Variants in MUC17 observed in about 807,000 individuals in gnomAD.
MUC17 encodes mucin 17, cell surface associated.
In MUC17, 190 loss-of-function variants were observed where a neutral mutation model predicts 170.3. The observed-to-expected ratio is 1.12, with a 90% confidence interval of 0.99 to 1.26. The LOEUF is 1.26. MUC17 is among the 50% of genes most tolerant of loss of function. The pLI, the probability that MUC17 is intolerant of heterozygous loss-of-function variation, is 0.00. For missense variants in MUC17, 6,415 were observed against 5,530.0 expected (o/e 1.16, Z -5.08); for synonymous variants, 2,325 against 2,002.5 (o/e 1.16, Z -4.30).
rs763832080 is a variant in MUC17, at chr7:101,032,382, C to G, written c.966C>G (p.Thr322=). 4.6e-5 allele frequency: 74 copies of G among 1,613,652 alleles called. No homozygotes were observed. Among genetic ancestry groups the G allele is most frequent in the Non-Finnish European group, 5.8e-5 (68 of 1,179,906 alleles). ...ASSSPTTAEG[T]SIPTSTYTEG... is the part of the protein sequence containing the mutation. ...CATCTCCTACAACGGCTGAAGGCAC[C>G]AGCATACCAACCTCAACTTATACTG... Residue 322 remains threonine (T), a synonymous_variant, in exon 3 of 13, where the codon ACC becomes ACG. Coordinates refer to ENST00000306151, the MANE Select transcript of MUC17 (RefSeq NM_001040105.2).
At chr7:101,054,622 A>G (rs1401279188) in intron 11 of MUC17, among the ~76,000 whole-genome samples, 2 of 152,052 alleles carry the variant, frequency 1.3e-5, no homozygotes, top group Non-Finnish European at 2.9e-5. Flanking sequence ...TGAGGCCAGG[A>G]GTTCAAGACC....
At position 101,032,219 on chromosome 7, in the gene MUC17, C is replaced by G. The variant is rs1645291114; in HGVS notation, c.803C>G (p.Ser268Ter). 1 of 1,614,086 alleles carries G rather than the reference C, an allele frequency of 6.2e-7. No homozygotes were observed. Among genetic ancestry groups the G allele is most frequent in the Non-Finnish European group, 8.5e-7 (1 of 1,180,028 alleles). Reference sequence around the variant, plus strand: ...GCTGAAGGTCCCAGCCTGTCAAACTCAGCTCCTAGTGGAGGAAGCACTCCA... The same window carrying G: ...GCTGAAGGTCCCAGCCTGTCAAACTGAGCTCCTAGTGGAGGAAGCACTCCA... ...TTAEGPSLSNSAPSGGSTPLT... is the reference protein window; with the variant it reads ...TTAEGPSLSN Residue 268 changes from serine (S) to a stop codon, truncating the protein, a stop_gained, in exon 3 of 13, where the codon TCA becomes TGA. Transcript: ENST00000306151. LOFTEE classifies it high-confidence loss of function.
At chr7:101,044,462 G>T (rs1187644799) in intron 3 of MUC17, among the ~76,000 whole-genome samples, 1 of 152,122 alleles carries the variant, frequency 6.6e-6, no homozygotes, top group African/African-American at 2.4e-5. Flanking sequence ...AACTCCTTTT[G>T]CTCTGACTTA....
In MUC17 at chr7:101,058,046, G is replaced by T. The variant is rs187135134; in HGVS notation, c.*2G>T. The T allele has an allele frequency of 1.2e-6, 2 of 1,613,754 alleles. No individual in the cohort carries two copies. The highest frequency in any genetic ancestry group is 1.3e-5 in the African/African-American group (1 of 74,966). ...CAGGTAATGACGACATCATTTTAAGGCATGGAGCTGAGAAGTCTGGGAGTG... is the reference window on the plus strand; with the variant it reads ...CAGGTAATGACGACATCATTTTAAGTCATGGAGCTGAGAAGTCTGGGAGTG... On this transcript the variant is annotated 3_prime_UTR_variant, in exon 13 of 13. Transcript: ENST00000306151.
At chr7:101,029,730 C>A (rs753025437) in intron 1 of MUC17, among the ~76,000 whole-genome samples, 23 of 151,850 alleles carry the variant, frequency 1.5e-4, no homozygotes, top group Non-Finnish European at 3.1e-4. Context: ...TCCCGAGTAG[C>A]TGGGATTATA....
At chr7:101,046,676 G>A (rs1794846954) in intron 3 of MUC17, among the ~76,000 whole-genome samples, 1 of 152,134 alleles carries the variant, frequency 6.6e-6, no homozygotes, top group South Asian at 2.1e-4. Context: ...TACTTGGGAG[G>A]CTAGGGTGGG....
At chr7:101,028,513 G>A (rs1488187365) in intron 1 of MUC17, among the ~76,000 whole-genome samples, 2 of 151,648 alleles carry the variant, frequency 1.3e-5, no homozygotes, top group African/African-American at 4.8e-5. Flanking sequence ...TTTATCTCTA[G>A]AAGTTCTGTT....
At position 101,051,665 on chromosome 7, in the gene MUC17, C is replaced by A; in HGVS notation, c.12927C>A (p.Thr4309=). ...CCCAAGTGCAAAACATTACGGTGAC[C>A]CAGTACGACCCTGAAGGTAGGTGAT... The part of the protein sequence containing the change: ...TGTQVQNITV[T]QYDPEEDCRK... The change falls in exon 8 of 13, where the codon ACC becomes ACA. Residue 4309 remains threonine, a synonymous_variant. Coordinates refer to ENST00000306151, the MANE Select transcript of MUC17 (RefSeq NM_001040105.2). The A allele has an allele frequency of 6.2e-7, 1 of 1,611,172 alleles. No homozygotes were observed. Among genetic ancestry groups the A allele is most frequent in the Non-Finnish European group, 8.5e-7 (1 of 1,179,302 alleles).
chr7:101,037,199 TA>T lies in MUC17; in HGVS notation c.5785del (p.Thr1929GlnfsTer29), dbSNP rs774465389. ...TSTPREGRPPLTSIPVSTTTV... is the reference protein window; with the variant it reads ...TSTPREGRPPXTSIPVSTTTV... ...ACTCCTAGGGAAGGAAGGCCTCCAT[TA>T]ACAAGTATACCTGTCAGCACCACAA... On this transcript the variant is annotated frameshift_variant, in exon 3 of 13. Coordinates refer to ENST00000306151, the MANE Select transcript of MUC17 (RefSeq NM_001040105.2). LOFTEE classifies it high-confidence loss of function. 8.1e-6 allele frequency: 13 copies of T among 1,613,454 alleles called. 1 individual carries two copies. In the South Asian group the frequency reaches 1.1e-4, roughly 14 times the overall value.
In MUC17 at chr7:101,033,030, C is replaced by T; in HGVS notation, c.1614C>T (p.Thr538=). ...CCCTTTCAACAACTCCTGTTGACAC[C>T]AGCACACCTGTGACCACTTCTAGTG... The part of the protein sequence containing the change: ...ASTLSTTPVD[T]STPVTTSSEA... Residue 538 remains threonine (T), a synonymous_variant, in exon 3 of 13, where the codon ACC becomes ACT. Coordinates refer to ENST00000306151, the MANE Select transcript of MUC17 (RefSeq NM_001040105.2). The T allele has an allele frequency of 6.2e-7, 1 of 1,613,842 alleles. No individual in the cohort carries two copies. The highest frequency in any genetic ancestry group is 8.5e-7 in the Non-Finnish European group (1 of 1,179,960).
chr7:101,021,146 T>C (rs1170575544), intron 1 of MUC17, among the ~76,000 whole-genome samples: 13 of 152,168 alleles, frequency 8.5e-5, no homozygotes, highest in Non-Finnish European at 2.9e-5. Context: ...ACATGATCTT[T>C]TGTTTTCCTC....
In MUC17 at chr7:101,035,119, G is replaced by T. The variant is rs760718941; in HGVS notation, c.3703G>T (p.Glu1235Ter). 1.8e-5 allele frequency: 29 copies of T among 1,610,850 alleles called. No individual in the cohort carries two copies. Among genetic ancestry groups the T allele is most frequent in the Middle Eastern group, 3.3e-4 (2 of 6,062 alleles). The stretch of plus-strand genomic sequence containing the variant: ...CAGACACACGCCAGTGGCCAGTTCT[G>T]AGGCTAGCACCCTTTCAACATCTCC... ...PVRHTPVASS[E>*]ASTLSTSPVD... is the part of the protein sequence containing the mutation. Residue 1235 changes from glutamate (E) to a stop codon, truncating the protein, a stop_gained, in exon 3 of 13, where the codon GAG becomes TAG. Coordinates refer to ENST00000306151, the MANE Select transcript of MUC17 (RefSeq NM_001040105.2). LOFTEE classifies it high-confidence loss of function.
rs1168572109 is a variant in MUC17 at position 101,043,549 on chromosome 7, G to A, written c.12133G>A (p.Val4045Met). 6.8e-6 allele frequency: 11 copies of A among 1,614,112 alleles called. No homozygotes were observed. In the South Asian group the frequency reaches 8.8e-5, roughly 13 times the overall value. ...CTCTACTTCTGTCACCACCCGTCCT[G>A]TGACCCCTTCATCAGAATCCAGCAG... ...HTSTSVTTRP[V>M]TPSSESSRPS... Residue 4045 changes from valine to methionine, a missense_variant, in exon 3 of 13, where the codon GTG becomes ATG. Transcript: ENST00000306151.
rs749010750 is a variant in MUC17, at chr7:101,035,014, C to T, written c.3598C>T (p.Pro1200Ser). Residue 1200 changes from proline to serine, a missense_variant, in exon 3 of 13, where the codon CCT (proline) becomes TCT (serine). By Grantham distance (74) the Pro-to-Ser change is moderately conservative. Transcript: ENST00000306151. ...GGCCACTTCTACTGAAGCCAGTTCACCTCCTCCAACTGCTGAAGTTACCAG... is the reference window on the plus strand; with the variant it reads ...GGCCACTTCTACTGAAGCCAGTTCATCTCCTCCAACTGCTGAAGTTACCAG... ...QVATSTEASSPPPTAEVTSMP... is the reference protein window; with the variant it reads ...QVATSTEASSSPPTAEVTSMP... The T allele has an allele frequency of 8.1e-6, 13 of 1,613,096 alleles. No homozygotes were observed. In the South Asian group the frequency reaches 9.9e-5, roughly 12 times the overall value.
Position 101,043,460 on chromosome 7 carries a change from G to A in MUC17, c.12044G>A (p.Arg4015Lys). The A allele has an allele frequency of 6.2e-7, 1 of 1,614,082 alleles. No individual in the cohort carries two copies. The highest frequency in any genetic ancestry group is 8.5e-7 in the Non-Finnish European group (1 of 1,180,014). ...ATGTCTACTGCCCCCAGCACACCCA[G>A]AACAACCAGCAGAGGCTGCACTACT... ...VTMSTAPSTP[R>K]TTSRGCTTSA... The change falls in exon 3 of 13, where the codon AGA becomes AAA. Residue 4015 changes from arginine to lysine, a missense_variant. Coordinates refer to ENST00000306151, the MANE Select transcript of MUC17 (RefSeq NM_001040105.2).
intron 5 of MUC17, 97 bp from the exon 6 acceptor site, chr7:101,049,227 C>A (rs1399171998): frequency 6.5e-7 from 1 of 1,537,880 alleles, no homozygotes; most frequent in South Asian, 1.1e-5. Flanking sequence ...TATGATGCTG[C>A]GGGACAGGAT....
In MUC17 at chr7:101,040,868, G is replaced by T; in HGVS notation, c.9452G>T (p.Gly3151Val). 1 of 1,585,862 alleles carries T rather than the reference G, an allele frequency of 6.3e-7. No individual in the cohort carries two copies. Among genetic ancestry groups the T allele is most frequent in the South Asian group, 1.1e-5 (1 of 90,356 alleles). The change falls in exon 3 of 13, where the codon GGT becomes GTT. Residue 3151 changes from glycine to valine, a missense_variant. Coordinates refer to ENST00000306151, the MANE Select transcript of MUC17 (RefSeq NM_001040105.2). ...CATTCATCTCCTACAACTTCTGAAG[G>T]TACCAGCATGCCAACCTCAACTCCT... ...EAHSSPTTSE[G>V]TSMPTSTPSE...
rs916194001 is a variant in MUC17 at position 101,027,631 on chromosome 7, T to C, written c.83-3489T>C. On this transcript the variant is annotated intron_variant, in intron 1 of 12. Coordinates refer to ENST00000306151, the MANE Select transcript of MUC17 (RefSeq NM_001040105.2). ...TGAATTTTTTGGAGCTGTGGGCTTA[T>C]AGTTTTTATCAAGTTTGAAAATTTG... 4.6e-5 allele frequency among the ~76,000 whole-genome samples: 7 copies of C among 152,322 alleles called. No individual in the cohort carries two copies. The South Asian group carries it at 1.0e-3, about 23-fold the overall frequency.
At chr7:101,056,380 T>C in intron 12 of MUC17, 110 bp downstream of exon 12, 1 of 1,495,452 alleles carries the variant, frequency 6.7e-7, no homozygotes, top group South Asian at 1.3e-5. Context: ...TTACAGTTTA[T>C]TGGTCCAGGT....
Sources: allele counts gnomAD v4.1 joint callset (sites outside exome capture counted in the v4.1 genomes callset), GRCh38; gene constraint gnomAD v4.1.1; transcripts MANE v1.5; gene names NCBI Gene and HGNC (gene_info 2026-07-23, HGNC 2026-07-21).